Variants in IGSF10 observed in about 807,000 individuals in gnomAD.
IGSF10 encodes calvaria mechanical force protein 608.
A neutral mutation model predicts 128.2 loss-of-function variants in IGSF10; 126 were observed. The ratio of observed to expected loss-of-function variants is 0.98; its 90% CI spans 0.85 to 1.14. The LOEUF (loss-of-function observed/expected upper bound fraction) is 1.14. IGSF10 is among the 50% of genes most tolerant of loss of function. The pLI, the probability that IGSF10 is intolerant of heterozygous loss-of-function variation, is 0.00. For missense variants in IGSF10, 3,295 were observed against 3,149.8 expected, an observed-to-expected ratio of 1.05 and a Z score of -1.10; for synonymous variants, 1,185 against 1,146.2, an observed-to-expected ratio of 1.03 and a Z score of -0.68.
At chr3:151,563,049 A>G in the IGSF10 span, among the ~76,000 whole-genome samples, 131 of 152,140 alleles carry the variant, frequency 8.6e-4, no homozygotes, top group African/African-American at 3.1e-3. Flanking sequence ...CTTCATAGAG[A>G]AGGAGTGAAT....
At chr3:151,603,124 T>A in the IGSF10 span, among the ~76,000 whole-genome samples, 3 of 152,222 alleles carry the variant, frequency 2.0e-5, no homozygotes, top group Admixed American at 6.5e-5. Flanking sequence ...TAACAGGGCT[T>A]TCAGGTTGTC....
upstream of IGSF10, chr3:151,461,069 G>C: frequency 3.0e-6 from 3 of 985,458 alleles, no homozygotes. Flanking sequence ...AAGGAAGGCG[G>C]AGCGAGGGCG....
At chr3:151,444,867 C>CT (rs2108546873) in intron 6 of IGSF10, 52 bp downstream of exon 6, 1 of 1,485,596 alleles carries the variant, frequency 6.7e-7, no homozygotes, top group East Asian at 2.3e-5. Context: ...ACATAACAAT[C>CT]TTCTTCTTGT....
the IGSF10 span, among the ~76,000 whole-genome samples, chr3:151,597,246 A>G: frequency 6.6e-6 from 1 of 152,186 alleles, no homozygotes; most frequent in Non-Finnish European, 1.5e-5. Flanking sequence ...CACAGATTCT[A>G]CTTCACGGGT....
the IGSF10 span, among the ~76,000 whole-genome samples, chr3:151,580,019 A>G: frequency 0.013 from 1,932 of 152,244 alleles, 47 homozygotes; most frequent in African/African-American, 0.044. Flanking sequence ...AAACAAAAAT[A>G]AGAATTGCAA....
At chr3:151,477,879 T>C in the IGSF10 span, among the ~76,000 whole-genome samples, 1 of 152,204 alleles carries the variant, frequency 6.6e-6, no homozygotes, top group Non-Finnish European at 1.5e-5. Flanking sequence ...ATAGATAATA[T>C]GTAAACAAGT....
the IGSF10 span, among the ~76,000 whole-genome samples, chr3:151,617,318 TCCCCTC>T: frequency 1.3e-5 from 1 of 78,998 alleles, no homozygotes; most frequent in Non-Finnish European, 2.5e-5. Flanking sequence ...TTCTTCTTCT[TCCCCTC>T]CTCCTCCTCC....
chr3:151,619,769 A>G, the IGSF10 span, among the ~76,000 whole-genome samples: 1 of 152,196 alleles, frequency 6.6e-6, no homozygotes, highest in East Asian at 1.9e-4. Context: ...GAATTTATTC[A>G]TCCATTCATG....
chr3:151,518,710 TAA>T, the IGSF10 span, among the ~76,000 whole-genome samples: 1 of 151,976 alleles, frequency 6.6e-6, no homozygotes, highest in Non-Finnish European at 1.5e-5. Flanking sequence ...TTTTGGGACA[TAA>T]TATAAATATT....
the IGSF10 span, among the ~76,000 whole-genome samples, chr3:151,586,824 C>T: frequency 6.6e-6 from 1 of 151,864 alleles, no homozygotes; most frequent in Non-Finnish European, 1.5e-5. Context: ...ATTCTTGTTA[C>T]TAGCTCAAAT....
chr3:151,480,313 G>A, the IGSF10 span, among the ~76,000 whole-genome samples: 2 of 152,142 alleles, frequency 1.3e-5, no homozygotes, highest in African/African-American at 4.8e-5. Flanking sequence ...CATCTTCCCA[G>A]TTGGGATCAG....
At chr3:151,487,290 G>A in the IGSF10 span, among the ~76,000 whole-genome samples, 7 of 152,070 alleles carry the variant, frequency 4.6e-5, no homozygotes, top group African/African-American at 4.8e-5. Context: ...GGAAGAAGTC[G>A]AATCCTTGAA....
At chr3:151,571,629 A>G in the IGSF10 span, among the ~76,000 whole-genome samples, 1 of 152,140 alleles carries the variant, frequency 6.6e-6, no homozygotes, top group Non-Finnish European at 1.5e-5. Flanking sequence ...GGCTGAGACG[A>G]TGGGGTTTTC....
chr3:151,452,524 T>C (rs896893230), intron 5 of IGSF10, among the ~76,000 whole-genome samples: 2 of 152,208 alleles, frequency 1.3e-5, no homozygotes, highest in African/African-American at 4.8e-5. Context: ...TTGTAAATCT[T>C]ATGGGAGGAT....
chr3:151,538,256 C>T, the IGSF10 span, among the ~76,000 whole-genome samples: 2 of 152,118 alleles, frequency 1.3e-5, no homozygotes, highest in Admixed American at 1.3e-4. Context: ...ACCAGAAACA[C>T]AAAGCCCATA....
At chr3:151,517,453 G>A in the IGSF10 span, among the ~76,000 whole-genome samples, 2 of 151,838 alleles carry the variant, frequency 1.3e-5, no homozygotes, top group Non-Finnish European at 2.9e-5. Context: ...CAGTCTCCCT[G>A]GTGCACTGTA....
chr3:151,514,111 G>GA, the IGSF10 span, among the ~76,000 whole-genome samples: 1 of 152,024 alleles, frequency 6.6e-6, no homozygotes, highest in East Asian at 1.9e-4. Flanking sequence ...CACAGAATTG[G>GA]AAAAAAATAC....
chr3:151,525,226 T>A, the IGSF10 span, among the ~76,000 whole-genome samples: 2 of 151,942 alleles, frequency 1.3e-5, no homozygotes, highest in South Asian at 4.1e-4. Flanking sequence ...CTATTTAGAT[T>A]TTATTGCAAA....
At chr3:151,499,730 C>G in the IGSF10 span, 1 of 152,150 alleles carries the variant, frequency 6.6e-6, no homozygotes, top group African/African-American at 2.4e-5. Flanking sequence ...CCCATTCGCT[C>G]CAACTCTGTA....
Sources: gnomAD v4.1 joint callset for allele counts (sites outside exome capture counted in the v4.1 genomes callset) on GRCh38, gnomAD v4.1.1 for gene constraint, MANE v1.5 for transcripts, NCBI Gene and HGNC (gene_info 2026-07-23, HGNC 2026-07-21) for gene names.